Variants in AIM2 observed in about 807,000 individuals in gnomAD.
AIM2 encodes the protein absent in melanoma 2, also known as interferon-inducible protein AIM2.
In AIM2, 30 loss-of-function variants were observed where a neutral mutation model predicts 27.7. The observed-to-expected ratio is 1.08, with a 90% CI of 0.81 to 1.47. The LOEUF is 1.47. Among genes scored for constraint, AIM2 ranks in the 40% most tolerant of loss-of-function variants. The pLI is 0.00. For missense variants in AIM2, 358 were observed against 411.3 expected (o/e 0.87, Z 1.12); for synonymous variants, 141 against 145.3 (o/e 0.97, Z 0.21).
At chr1:159,081,330 T>A (rs1656770362), upstream of AIM2, 1 of 250,980 alleles carries the variant, frequency 4.0e-6, no homozygotes, top group Admixed American at 5.5e-5. Context: ...CTGGGTCTGA[T>A]TACAATGAAA....
chr1:159,078,125 C>A (rs987342070), upstream of AIM2, among the ~76,000 whole-genome samples: 4 of 152,186 alleles, frequency 2.6e-5, no homozygotes, highest in Non-Finnish European at 5.9e-5. Flanking sequence ...AGCACCTTAT[C>A]TGTGGGGCTT....
chr1:159,070,244 T>C (rs1340548363), intron 2 of AIM2, among the ~76,000 whole-genome samples: 1 of 152,230 alleles, frequency 6.6e-6, no homozygotes, highest in Admixed American at 6.5e-5. Context: ...GTATAAACTG[T>C]ACAAAATTTG....
At chr1:159,118,100 T>A (rs1647432259) in intron 1 of AIM2, among the ~76,000 whole-genome samples, 1 of 152,072 alleles carries the variant, frequency 6.6e-6, no homozygotes, top group Admixed American at 6.6e-5. Context: ...TATCTTGATA[T>A]CCCCCAACAT....
At chr1:159,055,736 GTATC>G in the AIM2 span, among the ~76,000 whole-genome samples, 2 of 152,198 alleles carry the variant, frequency 1.3e-5, no homozygotes. Context: ...CAGAAAGTAA[GTATC>G]TAAAACTAAA....
chr1:159,142,035 G>A (rs890822297), upstream of AIM2, among the ~76,000 whole-genome samples: 3 of 152,156 alleles, frequency 2.0e-5, no homozygotes, highest in Non-Finnish European at 2.9e-5. Context: ...CAACCCTGCA[G>A]AAAACGCAGA....
chr1:159,061,517 C>T (rs1391357617), downstream of AIM2, among the ~76,000 whole-genome samples: 4 of 151,382 alleles, frequency 2.6e-5, no homozygotes, highest in Non-Finnish European at 2.9e-5. Flanking sequence ...CTCAGCCTCC[C>T]GAGTAGCTGG....
intron 2 of AIM2, among the ~76,000 whole-genome samples, chr1:159,071,811 A>C (rs1202619429): frequency 6.6e-6 from 1 of 152,222 alleles, no homozygotes; most frequent in Non-Finnish European, 1.5e-5. Context: ...CGCCTGGCCC[A>C]AAAGCATACT....
intron 1 of AIM2, among the ~76,000 whole-genome samples, chr1:159,124,624 C>T (rs900775341): frequency 7.2e-5 from 11 of 152,178 alleles, no homozygotes; most frequent in Non-Finnish European, 1.2e-4. Flanking sequence ...TGTGGCATGA[C>T]GATTATTAGA....
chr1:159,119,783 T>G (rs1647481701), intron 1 of AIM2, among the ~76,000 whole-genome samples: 1 of 152,108 alleles, frequency 6.6e-6, no homozygotes, highest in South Asian at 2.1e-4. Context: ...CCTATGTGTG[T>G]GTGTGCATGT....
chr1:159,135,533 T>C (rs1647997279), intron 1 of AIM2, among the ~76,000 whole-genome samples: 1 of 152,218 alleles, frequency 6.6e-6, no homozygotes. Flanking sequence ...TTCCTGAACC[T>C]GGAAGTAAGC....
At chr1:159,111,388 C>T (rs921881559) in intron 1 of AIM2, among the ~76,000 whole-genome samples, 1 of 152,296 alleles carries the variant, frequency 6.6e-6, no homozygotes, top group Admixed American at 6.5e-5. Context: ...GTGGTGGTTG[C>T]ACAACATTGT....
intron 1 of AIM2, among the ~76,000 whole-genome samples, chr1:159,076,220 C>A (rs1417104769): frequency 6.6e-6 from 1 of 152,166 alleles, no homozygotes; most frequent in African/African-American, 2.4e-5. Flanking sequence ...CTTCCTATAA[C>A]CCTCTTATAT....
Position 159,119,796 on chromosome 1 carries a change from T to TTG in AIM2, c.-16+20633_-16+20634dup, listed in dbSNP as rs372293063. Among the ~76,000 whole-genome samples, 62 of 150,640 alleles carry TTG rather than the reference T, an allele frequency of 4.1e-4. 1 individual carries two copies. The East Asian group carries it at 6.4e-3, about 16-fold the overall frequency. On this transcript the variant is annotated intron_variant, in intron 1 of 2. Coordinates refer to the AIM2 transcript ENST00000368129. The stretch of plus-strand genomic sequence containing the variant: ...ACCCTATGTGTGTGTGTGCATGTGT[T>TTG]TGTGTGTGTGTGTGTGGGTGTGTGT...
At chr1:159,111,931 A>G (rs1406931008) in intron 1 of AIM2, among the ~76,000 whole-genome samples, 2 of 151,904 alleles carry the variant, frequency 1.3e-5, no homozygotes, top group African/African-American at 4.8e-5. Flanking sequence ...AAATCCAGCC[A>G]CTTGGGAATT....
At chr1:159,133,934 C>A (rs1007762636) in intron 1 of AIM2, among the ~76,000 whole-genome samples, 1 of 152,168 alleles carries the variant, frequency 6.6e-6, no homozygotes. Flanking sequence ...TCAGACCTGA[C>A]CTGACTCTCA....
chr1:159,076,373 A>G (rs1360987708), intron 1 of AIM2, among the ~76,000 whole-genome samples: 1 of 152,254 alleles, frequency 6.6e-6, no homozygotes, highest in African/African-American at 2.4e-5. Flanking sequence ...TATTGGCATA[A>G]AAGTCAGCCT....
downstream of AIM2, among the ~76,000 whole-genome samples, chr1:159,060,241 A>C (rs1655788661): frequency 6.6e-6 from 1 of 152,202 alleles, no homozygotes; most frequent in Non-Finnish European, 1.5e-5. Context: ...TATTAACCTA[A>C]CGGATAAGGA....
downstream of AIM2, among the ~76,000 whole-genome samples, chr1:159,058,733 C>T (rs1047736444): frequency 6.6e-6 from 1 of 152,118 alleles, no homozygotes; most frequent in Admixed American, 6.5e-5. Flanking sequence ...TGGGACTTTT[C>T]CTTATTTCAG....
At chr1:159,097,988 T>A (rs1248485056) in intron 1 of AIM2, among the ~76,000 whole-genome samples, 1 of 152,120 alleles carries the variant, frequency 6.6e-6, no homozygotes, top group Non-Finnish European at 1.5e-5. Context: ...TTTTTAAAAA[T>A]CTCTATGGTA....
Sources: allele counts gnomAD v4.1 joint callset (sites outside exome capture counted in the v4.1 genomes callset), GRCh38; gene constraint gnomAD v4.1.1; transcripts MANE v1.5; gene names NCBI Gene and HGNC (gene_info 2026-07-23, HGNC 2026-07-21).